UGT1A4: variants seen among roughly 807,000 people sequenced by gnomAD.
UGT1A4 encodes the protein UDP-glucuronosyltransferase 1A4.
In UGT1A4, 32 loss-of-function variants were observed where a neutral mutation model predicts 41.1. The observed-to-expected ratio is 0.78, with a 90% CI of 0.59 to 1.05. UGT1A4 has a LOEUF of 1.05. Ranked by LOEUF, UGT1A4 falls within the 50% of genes least tolerant of loss-of-function variation. The pLI, the probability that UGT1A4 is intolerant of heterozygous loss-of-function variation, is 0.00. For missense variants in UGT1A4, 748 were observed against 677.4 expected, an observed-to-expected ratio of 1.10 and a Z score of -1.16; for synonymous variants, 283 against 265.1, an observed-to-expected ratio of 1.07 and a Z score of -0.66.
intron 1 of UGT1A4, among the ~76,000 whole-genome samples, chr2:233,723,539 T>A (rs866604181): frequency 9.1e-6 from 1 of 110,330 alleles, no homozygotes; most frequent in African/African-American, 3.8e-5. Flanking sequence ...TTTTTTTTAA[T>A]TTATTTTTTT....
chr2:233,767,696 G>A (rs1360592219), intron 2 of UGT1A4, among the ~76,000 whole-genome samples, 153 bp from the exon 3 acceptor site: 3 of 152,166 alleles, frequency 2.0e-5, no homozygotes, highest in African/African-American at 7.2e-5. Flanking sequence ...GCCGGAAGTT[G>A]CCAGTCCTCA....
chr2:233,767,878 A>G lies in UGT1A4; in HGVS notation c.1029A>G (p.Pro343=), dbSNP rs747062491. ...TGTGGCGGTACACTGGAACCCGACC[A>G]TCGAATCTTGCGAACAACACGATAC... ...TVLWRYTGTR[P]SNLANNTILV... The change falls in exon 3 of 5, where the codon CCA becomes CCG. Residue 343 remains proline, a synonymous_variant. Transcript: ENST00000373409. 6.2e-7 allele frequency: 1 copy of G among 1,614,032 alleles called. No individual in the cohort carries two copies. The highest frequency in any genetic ancestry group is 1.7e-5 in the Admixed American group (1 of 59,990).
intron 4 of UGT1A4, 116 bp from the exon 5 acceptor site, chr2:233,772,146 G>A: frequency 6.4e-7 from 1 of 1,552,532 alleles, no homozygotes; most frequent in Non-Finnish European, 8.7e-7. Flanking sequence ...ATAGAAACAG[G>A]TTTCCTTTCC....
At chr2:233,725,624 T>C (rs1443141864) in intron 1 of UGT1A4, among the ~76,000 whole-genome samples, 1 of 152,198 alleles carries the variant, frequency 6.6e-6, no homozygotes, top group African/African-American at 2.4e-5. Flanking sequence ...GTCTTCAAAA[T>C]CTAGCATATA....
At chr2:233,743,972 A>G in intron 1 of UGT1A4, 2 of 1,321,206 alleles carry the variant, frequency 1.5e-6, no homozygotes, top group African/African-American at 1.5e-5. Flanking sequence ...CAAGGCTGCC[A>G]GCACCCAGGC....
At chr2:233,760,250 G>T in intron 1 of UGT1A4, 1 of 1,601,220 alleles carries the variant, frequency 6.2e-7, no homozygotes. Context: ...ATATATATAA[G>T]TAGGAGAGGG....
intron 1 of UGT1A4, among the ~76,000 whole-genome samples, chr2:233,733,067 T>G (rs1039618890): frequency 2.0e-5 from 3 of 152,180 alleles, no homozygotes; most frequent in Non-Finnish European, 4.4e-5. Flanking sequence ...ATTCTCTTTG[T>G]AGCAATTGTG....
chr2:233,727,430 A>C (rs1214577607), intron 1 of UGT1A4, among the ~76,000 whole-genome samples: 1 of 152,124 alleles, frequency 6.6e-6, no homozygotes, highest in African/African-American at 2.4e-5. Flanking sequence ...GGAGTCCCAG[A>C]CATGTGACAA....
chr2:233,737,856 T>C (rs1690612463), intron 1 of UGT1A4, among the ~76,000 whole-genome samples: 1 of 152,152 alleles, frequency 6.6e-6, no homozygotes, highest in Admixed American at 6.5e-5. Context: ...ACTCTTGCTA[T>C]GCCCCTTAAG....
chr2:233,733,268 A>G (rs2078375878), intron 1 of UGT1A4, among the ~76,000 whole-genome samples: 1 of 152,120 alleles, frequency 6.6e-6, no homozygotes. Flanking sequence ...GGACTATTTG[A>G]CTTCCTCTTT....
chr2:233,754,991 G>C (rs1247616121), intron 1 of UGT1A4: 1 of 1,294,814 alleles, frequency 7.7e-7, no homozygotes, highest in African/African-American at 1.5e-5. Context: ...CGGGGTCACG[G>C]AAGCTGAAGA....
In UGT1A4 at chr2:233,766,936, A is replaced by T. The variant is rs911091346; in HGVS notation, c.868-98A>T. The T allele has an allele frequency of 4.4e-6, 7 of 1,586,086 alleles. No homozygotes were observed. The South Asian group carries it at 7.0e-5, about 16-fold the overall frequency. ...ATCTCAAACACGCATGCCTTTAATC[A>T]TAGTCTTAAGAGGAAGATATCTAAT... is the stretch of plus-strand genomic sequence containing the variant. On this transcript the variant is annotated intron_variant, in intron 1 of 4. Coordinates refer to ENST00000373409, the MANE Select transcript of UGT1A4 (RefSeq NM_007120.3).
intron 1 of UGT1A4, chr2:233,756,060 G>T (rs1357944453): frequency 6.6e-6 from 1 of 152,200 alleles, no homozygotes; most frequent in African/African-American, 2.4e-5. Flanking sequence ...CTGTACACTT[G>T]TGGGAGAATG....
chr2:233,769,998 C>A lies in UGT1A4; in HGVS notation c.1307+1559C>A. The stretch of plus-strand genomic sequence containing the variant: ...AGGATGTCCTGCTCACATATCAATA[C>A]CATTAAAACCTGACTTCTTTCCCTG... On this transcript the variant is annotated intron_variant, in intron 4 of 4. Coordinates refer to ENST00000373409, the MANE Select transcript of UGT1A4 (RefSeq NM_007120.3). The surrounding 1 kb of genome is among the most constrained non-coding windows in gnomAD (Gnocchi z 4.4). 5.7e-6 allele frequency: 1 copy of A among 174,584 alleles called. No homozygotes were observed. The highest frequency in any genetic ancestry group is 1.2e-5 in the Non-Finnish European group (1 of 82,536). The allele number at this position is 174,584 out of a possible 1,614,324, so 10.8% of individuals were successfully genotyped here. A position where few individuals can be genotyped will look rare whatever the true frequency, so the allele number is the denominator to read the frequency against.
At chr2:233,764,093 T>G (rs1018562208) in intron 1 of UGT1A4, among the ~76,000 whole-genome samples, 2 of 152,200 alleles carry the variant, frequency 1.3e-5, no homozygotes, top group African/African-American at 4.8e-5. Context: ...AAGCCTAAAC[T>G]AAAAATACAA....
At chr2:233,729,839 T>A (rs749325726) in intron 1 of UGT1A4, 14 of 1,613,780 alleles carry the variant, frequency 8.7e-6, no homozygotes, top group Non-Finnish European at 4.2e-6. Context: ...GCCTCTGAGC[T>A]TTTTCAGAGA....
chr2:233,724,687 C>A (rs1436694344), intron 1 of UGT1A4, among the ~76,000 whole-genome samples: 2 of 144,326 alleles, frequency 1.4e-5, no homozygotes, highest in African/African-American at 2.6e-5. Context: ...GGATGGCGGC[C>A]GGGTGAAGAC....
intron 1 of UGT1A4, among the ~76,000 whole-genome samples, chr2:233,756,539 T>G (rs1346299785): frequency 6.6e-6 from 1 of 152,226 alleles, no homozygotes; most frequent in Non-Finnish European, 1.5e-5. Context: ...TTTTCTTGAC[T>G]GCTAAAACAA....
rs111739350 is a variant in UGT1A4 at position 233,753,142 on chromosome 2, A to G, written c.868-13892A>G. The G allele has an allele frequency of 8.2e-3, 1,248 of 152,338 alleles. 11 individuals are homozygous for G. The highest frequency in any genetic ancestry group is 0.011 in the Non-Finnish European group (750 of 68,038). The allele number at this position is 152,338 out of a possible 1,614,324, so 9.4% of individuals were successfully genotyped here. On this transcript the variant is annotated intron_variant, in intron 1 of 4. Coordinates refer to ENST00000373409, the MANE Select transcript of UGT1A4 (RefSeq NM_007120.3). ...CAAACTACTCAGTGAGTATCTTCAC[A>G]CATGTAAGTTCCCTTATCCGGATCA...
Sources: allele counts gnomAD v4.1 joint callset (sites outside exome capture counted in the v4.1 genomes callset), GRCh38; gene constraint gnomAD v4.1.1; non-coding constraint Gnocchi (gnomAD v3.1); transcripts MANE v1.5; gene names NCBI Gene and HGNC (gene_info 2026-07-23, HGNC 2026-07-21).